Variants in NKAIN3 observed in about 807,000 individuals in gnomAD.
NKAIN3 encodes the protein sodium/potassium-transporting ATPase subunit beta-1-interacting protein 3.
Under a neutral mutation model 30.2 loss-of-function variants are expected in NKAIN3, and 25 were observed. That is an observed-to-expected ratio of 0.83 (90% CI 0.60 to 1.16). The LOEUF (loss-of-function observed/expected upper bound fraction) is 1.16, where lower values mean the gene tolerates loss of function less well. Among genes scored for constraint, NKAIN3 ranks in the 50% most tolerant of loss-of-function variants. The pLI is 0.00. For missense variants in NKAIN3, 225 were observed against 254.1 expected, an observed-to-expected ratio of 0.89 and a Z score of 0.78; for synonymous variants, 91 against 89.6, an observed-to-expected ratio of 1.02 and a Z score of -0.09.
At position 62,773,991 on chromosome 8, in the gene NKAIN3, T is replaced by C. The variant is rs192980497; in HGVS notation, c.471+26862T>C. 5.9e-5 allele frequency among the ~76,000 whole-genome samples: 9 copies of C among 152,296 alleles called. No homozygotes were observed. The East Asian group carries it at 1.7e-3, about 29-fold the overall frequency. On this transcript the variant is annotated intron_variant, in intron 4 of 6. Coordinates refer to ENST00000623646, the MANE Select transcript of NKAIN3 (RefSeq NM_001304533.3). The stretch of plus-strand genomic sequence containing the variant: ...GATATTGTATTGAATCTGTAGACTG[T>C]TTTTGGTAATATGGACATTTTGACA...
In NKAIN3 at chr8:62,574,591, A is replaced by G. The variant is rs531844925; in HGVS notation, c.55-4948A>G. 2.0e-5 allele frequency among the ~76,000 whole-genome samples: 3 copies of G among 152,254 alleles called. No homozygotes were observed. The South Asian group carries it at 6.2e-4, about 32-fold the overall frequency. On this transcript the variant is annotated intron_variant, in intron 1 of 6. Transcript: ENST00000623646. ...TAAAAACAGACACATAGATTAATGG[A>G]ACAGCATAAAGAACCCAGAAATAAA...
At chr8:62,671,612 A>G (rs943635499) in intron 3 of NKAIN3, among the ~76,000 whole-genome samples, 8 of 152,204 alleles carry the variant, frequency 5.3e-5, no homozygotes, top group African/African-American at 1.7e-4. Context: ...GTAGTATAAA[A>G]CTAAACTAAA....
At chr8:62,833,293 C>T (rs1819254537) in intron 4 of NKAIN3, among the ~76,000 whole-genome samples, 1 of 151,226 alleles carries the variant, frequency 6.6e-6, no homozygotes, top group South Asian at 2.1e-4. Context: ...ACAAAATAAC[C>T]CCAAAGCTAG....
intron 1 of NKAIN3, among the ~76,000 whole-genome samples, chr8:62,430,406 TGG>T (rs1491017603): frequency 1.4e-5 from 2 of 144,488 alleles, no homozygotes; most frequent in African/African-American, 5.1e-5. Flanking sequence ...TGTGTGTGTG[TGG>T]ATGGGTGTGT....
chr8:62,625,966 G>A (rs1811775274), intron 3 of NKAIN3, among the ~76,000 whole-genome samples: 1 of 152,008 alleles, frequency 6.6e-6, no homozygotes, highest in African/African-American at 2.4e-5. Flanking sequence ...AATCATATAA[G>A]TAAGAAAACT....
chr8:62,499,059 T>A (rs1028650676), intron 1 of NKAIN3, among the ~76,000 whole-genome samples: 1 of 152,194 alleles, frequency 6.6e-6, no homozygotes, highest in Non-Finnish European at 1.5e-5. Flanking sequence ...TCTTTGATGC[T>A]GTGAGGAGTT....
intron 1 of NKAIN3, among the ~76,000 whole-genome samples, chr8:62,423,986 T>C (rs557018565): frequency 4.5e-4 from 69 of 152,112 alleles, no homozygotes; most frequent in African/African-American, 1.6e-3. Context: ...TATGAACACA[T>C]CACTCTTTAT....
At chr8:62,931,949 G>A (rs557391378) in intron 5 of NKAIN3, among the ~76,000 whole-genome samples, 16 of 152,094 alleles carry the variant, frequency 1.1e-4, no homozygotes, top group Non-Finnish European at 1.9e-4. Flanking sequence ...ACTCCTGTAC[G>A]CATTGAAATG....
intron 4 of NKAIN3, among the ~76,000 whole-genome samples, chr8:62,878,723 C>T (rs1181803558): frequency 6.9e-6 from 1 of 144,468 alleles, no homozygotes; most frequent in Non-Finnish European, 1.5e-5. Flanking sequence ...CCTGTGTTCT[C>T]ATTGTTCAAT....
intron 4 of NKAIN3, among the ~76,000 whole-genome samples, chr8:62,837,594 A>G (rs1047416527): frequency 2.0e-5 from 3 of 151,938 alleles, no homozygotes; most frequent in African/African-American, 7.3e-5. Flanking sequence ...TTCTATTTCA[A>G]CTCTGTAGCT....
At chr8:62,939,236 T>A (rs1822878769) in intron 5 of NKAIN3, among the ~76,000 whole-genome samples, 1 of 152,172 alleles carries the variant, frequency 6.6e-6, no homozygotes, top group Non-Finnish European at 1.5e-5. Context: ...GAGTAAAGCC[T>A]CTACGAAGTT....
At chr8:62,263,801 C>A (rs78813454) in intron 1 of NKAIN3, among the ~76,000 whole-genome samples, 2,716 of 152,204 alleles carry the variant, frequency 0.018, 80 homozygotes, top group African/African-American at 0.062. Flanking sequence ...GACTTATTTT[C>A]CATTCAAGTA....
chr8:62,695,106 C>T (rs1248217072), intron 3 of NKAIN3, among the ~76,000 whole-genome samples: 1 of 152,204 alleles, frequency 6.6e-6, no homozygotes, highest in African/African-American at 2.4e-5. Flanking sequence ...TCACCTTAGC[C>T]TTGATCCCTC....
At chr8:62,917,184 C>T (rs958131028) in intron 4 of NKAIN3, among the ~76,000 whole-genome samples, 3 of 152,154 alleles carry the variant, frequency 2.0e-5, no homozygotes, top group African/African-American at 7.2e-5. Context: ...TCCACCCAGT[C>T]CTGTCTCCAC....
intron 1 of NKAIN3, among the ~76,000 whole-genome samples, chr8:62,575,827 G>A (rs541219356): frequency 2.2e-4 from 33 of 152,086 alleles, no homozygotes; most frequent in African/African-American, 6.7e-4. Flanking sequence ...TAAAGTGAAC[G>A]AATTTTTTGA....
At chr8:62,354,066 A>T (rs1258693736) in intron 1 of NKAIN3, among the ~76,000 whole-genome samples, 1 of 152,176 alleles carries the variant, frequency 6.6e-6, no homozygotes, top group Admixed American at 6.5e-5. Context: ...TGAAAATGGA[A>T]AGCATACAGG....
intron 4 of NKAIN3, among the ~76,000 whole-genome samples, chr8:62,784,393 T>A (rs191677048): frequency 9.6e-4 from 145 of 151,604 alleles, no homozygotes; most frequent in African/African-American, 3.3e-3. Context: ...CTAGACTGAC[T>A]AAGAGAAAAA....
intron 5 of NKAIN3, among the ~76,000 whole-genome samples, chr8:62,942,157 T>C (rs1176087354): frequency 1.3e-5 from 2 of 149,474 alleles, no homozygotes; most frequent in East Asian, 3.9e-4. Flanking sequence ...TCAATCCTTT[T>C]ACAATAGCTG....
At chr8:62,818,830 G>A (rs1395468344) in intron 4 of NKAIN3, among the ~76,000 whole-genome samples, 1 of 151,980 alleles carries the variant, frequency 6.6e-6, no homozygotes, top group Non-Finnish European at 1.5e-5. Context: ...AGGGTAAGGA[G>A]GGATTTTTCA....
Sources: allele counts gnomAD v4.1 joint callset (sites outside exome capture counted in the v4.1 genomes callset), GRCh38; gene constraint gnomAD v4.1.1; transcripts MANE v1.5; gene names NCBI Gene and HGNC (gene_info 2026-07-23, HGNC 2026-07-21).